Variants in NT5C3A observed in about 807,000 individuals in gnomAD.
NT5C3A encodes the protein cytosolic 5'-nucleotidase 3A.
Under a neutral mutation model 40.0 loss-of-function variants are expected in NT5C3A, and 23 were observed. The observed-to-expected ratio is 0.58, with a 90% CI of 0.41 to 0.81. The LOEUF (loss-of-function observed/expected upper bound fraction) is 0.81, where lower values mean the gene tolerates loss of function less well. Among genes scored for constraint, NT5C3A ranks in the 40% least tolerant of loss-of-function variants. The pLI, the probability that NT5C3A is intolerant of heterozygous loss-of-function variation, is 0.00. For synonymous variants in NT5C3A, 130 were observed against 141.4 expected (o/e 0.92, Z 0.57); for missense variants, 328 against 403.0 (o/e 0.81, Z 1.59).
At chr7:33,030,874 C>T (rs1009352146) in intron 1 of NT5C3A, among the ~76,000 whole-genome samples, 6 of 150,448 alleles carry the variant, frequency 4.0e-5, no homozygotes, top group East Asian at 2.0e-4. Context: ...CTGAGGCGGG[C>T]GGATCACGAG....
At position 33,014,586 on chromosome 7, in the gene NT5C3A, T is replaced by A. The variant is rs564111844; in HGVS notation, c.*144A>T. The A allele has an allele frequency of 3.4e-5, 41 of 1,221,278 alleles. No homozygotes were observed. In the South Asian group the frequency reaches 4.8e-4, roughly 14 times the overall value. 75.7% of individuals were successfully genotyped at this position (1,221,278 alleles called of 1,614,324 possible). ...AGAAAAGGAGCTTCCAGTCAATGCA[T>A]TCACCATATCTGAAAATACTTCAGT... On this transcript the variant is annotated 3_prime_UTR_variant, in exon 9 of 9. Transcript: ENST00000610140.
In NT5C3A at chr7:33,014,207, A is replaced by C. The variant is rs1785200674; in HGVS notation, c.*523T>G. On this transcript the variant is annotated 3_prime_UTR_variant, in exon 9 of 9. Coordinates refer to ENST00000610140, the MANE Select transcript of NT5C3A (RefSeq NM_001002010.5). ...TTTGTAATGATTAGCAACATTGTAAACACCACCAGGTTTTTCCAACACTAA... is the reference window on the plus strand; with the variant it reads ...TTTGTAATGATTAGCAACATTGTAACCACCACCAGGTTTTTCCAACACTAA... 1 of 454,476 alleles carries C rather than the reference A, an allele frequency of 2.2e-6. No individual in the cohort carries two copies. The highest frequency in any genetic ancestry group is 4.4e-6 in the Non-Finnish European group (1 of 226,770). The allele number at this position is 454,476 out of a possible 1,614,324, so 28.2% of individuals were successfully genotyped here.
chr7:33,056,876 ATC>A (rs1299863569), intron 1 of NT5C3A, among the ~76,000 whole-genome samples: 3 of 151,730 alleles, frequency 2.0e-5, no homozygotes, highest in Non-Finnish European at 4.4e-5. Flanking sequence ...CAATGGTGTG[ATC>A]TCCGTTCACT....
At chr7:33,049,749 C>T (rs147595892) in intron 1 of NT5C3A, among the ~76,000 whole-genome samples, 153 of 152,034 alleles carry the variant, frequency 1.0e-3, no homozygotes, top group African/African-American at 3.6e-3. Context: ...ACAGGCAGAT[C>T]ACAAGGTCAG....
chr7:33,043,277 G>T (rs1787007091), intron 1 of NT5C3A, among the ~76,000 whole-genome samples: 1 of 152,104 alleles, frequency 6.6e-6, no homozygotes, highest in Admixed American at 6.5e-5. Flanking sequence ...ATTTGAGAAG[G>T]AAAAATCTTT....
chr7:33,034,852 A>C (rs2128004630), intron 1 of NT5C3A, among the ~76,000 whole-genome samples: 1 of 152,366 alleles, frequency 6.6e-6, no homozygotes, highest in Middle Eastern at 3.4e-3. Context: ...AACAATAATA[A>C]GAACACAAAG....
intron 1 of NT5C3A, among the ~76,000 whole-genome samples, chr7:33,039,168 C>G (rs1011932298): frequency 4.6e-5 from 7 of 152,066 alleles, no homozygotes; most frequent in African/African-American, 1.7e-4. Flanking sequence ...GTATTTCATT[C>G]TGATGATAGT....
At position 33,015,873 on chromosome 7, in the gene NT5C3A, A is replaced by G. The variant is rs1284624102; in HGVS notation, c.694-3T>C. 1.0e-5 allele frequency: 16 copies of G among 1,586,308 alleles called. No individual in the cohort carries two copies. Among genetic ancestry groups the G allele is most frequent in the African/African-American group, 5.4e-5 (4 of 74,320 alleles). ...CCTTTAAATCCTTTGAGCACCCCCT[A>G]TGAAAAATATAAATCTTTTGAACAG... On this transcript the variant is annotated splice_polypyrimidine_tract_variant and splice_region_variant and intron_variant, in intron 7 of 8. Transcript: ENST00000610140.
chr7:33,041,687 GA>G (rs1294116311), intron 1 of NT5C3A, among the ~76,000 whole-genome samples: 1 of 151,786 alleles, frequency 6.6e-6, no homozygotes, highest in Non-Finnish European at 1.5e-5. Flanking sequence ...AAAATGGGGG[GA>G]AAAAGTTCCT....
At chr7:33,050,401 T>A (rs1199841037) in intron 1 of NT5C3A, among the ~76,000 whole-genome samples, 1 of 152,224 alleles carries the variant, frequency 6.6e-6, no homozygotes. Flanking sequence ...GGTTCTCAAC[T>A]TTTTCCTGTC....
chr7:33,055,014 T>A (rs1182326940), intron 1 of NT5C3A, among the ~76,000 whole-genome samples: 1 of 152,220 alleles, frequency 6.6e-6, no homozygotes, highest in Non-Finnish European at 1.5e-5. Context: ...TGAATATATC[T>A]TTACTCGGGG....
chr7:33,062,679 C>A lies in NT5C3A; in HGVS notation c.27G>T (p.Val9=), dbSNP rs1243064204. Residue 9 remains valine (V), a synonymous_variant, in exon 1 of 9, where the codon GTG becomes GTT. Transcript: ENST00000610140. The part of the protein sequence containing the change: MDRAAVAR[V]GAVASASVCA... ...ACACGCTGGCGCTCGCTACCGCGCCCACCCTCGCCACGGCCGCGCGGTCCA... is the reference window on the plus strand; with the variant it reads ...ACACGCTGGCGCTCGCTACCGCGCCAACCCTCGCCACGGCCGCGCGGTCCA... 14 of 1,575,428 alleles carry A rather than the reference C, an allele frequency of 8.9e-6. No homozygotes were observed. Among genetic ancestry groups the A allele is most frequent in the Non-Finnish European group, 1.2e-5 (14 of 1,161,586 alleles).
At chr7:33,037,770 T>G (rs982823617) in intron 1 of NT5C3A, among the ~76,000 whole-genome samples, 1 of 152,128 alleles carries the variant, frequency 6.6e-6, no homozygotes, top group Non-Finnish European at 1.5e-5. Context: ...GCAGTATGAG[T>G]GTGTGTATAT....
At chr7:33,050,740 T>C (rs928179983) in intron 1 of NT5C3A, among the ~76,000 whole-genome samples, 4 of 152,136 alleles carry the variant, frequency 2.6e-5, no homozygotes, top group African/African-American at 9.7e-5. Flanking sequence ...AAACAACATA[T>C]ATGAAAAAAA....
In NT5C3A at chr7:33,015,104, G is replaced by C. The variant is rs139907826; in HGVS notation, c.895-273C>G. Among the ~76,000 whole-genome samples the C allele has an allele frequency of 6.0e-3, 912 of 152,130 alleles. 10 individuals are homozygous for C. The highest frequency in any genetic ancestry group is 0.021 in the African/African-American group (869 of 41,484). ...TCCACGGAACATTTAGTAACGTCTA[G>C]GGACATTTTTGAGTCTCATGGCAGG... On this transcript the variant is annotated intron_variant, in intron 8 of 8. Transcript: ENST00000610140.
At chr7:33,041,921 C>G (rs17170264) in intron 1 of NT5C3A, among the ~76,000 whole-genome samples, 8,075 of 152,230 alleles carry the variant, frequency 0.053, 262 homozygotes, top group East Asian at 0.16. Context: ...TATCGGCTTT[C>G]TCTCTACTGT....
intron 1 of NT5C3A, chr7:33,035,798 G>C (rs929580294): frequency 1.3e-6 from 1 of 751,656 alleles, no homozygotes; most frequent in Non-Finnish European, 2.4e-6. Flanking sequence ...ATAAGTATTT[G>C]AGGTTTATTT....
chr7:33,032,073 C>T (rs890454874), intron 1 of NT5C3A, among the ~76,000 whole-genome samples: 2 of 151,474 alleles, frequency 1.3e-5, no homozygotes, highest in Non-Finnish European at 2.9e-5. Flanking sequence ...TGCAGTGAGC[C>T]GAGATGGCAC....
chr7:33,028,198 A>G (rs903098977), intron 1 of NT5C3A, among the ~76,000 whole-genome samples: 1 of 152,072 alleles, frequency 6.6e-6, no homozygotes, highest in African/African-American at 2.4e-5. Flanking sequence ...AATCCCAGCT[A>G]CTTGGAAGCT....
Sources: gnomAD v4.1 joint callset for allele counts (sites outside exome capture counted in the v4.1 genomes callset) on GRCh38, gnomAD v4.1.1 for gene constraint, MANE v1.5 for transcripts, NCBI Gene and HGNC (gene_info 2026-07-23, HGNC 2026-07-21) for gene names.